Variants in EYA3 observed in about 807,000 individuals in gnomAD.
The protein encoded by EYA3 is protein phosphatase EYA3.
A neutral mutation model predicts 80.0 loss-of-function variants in EYA3; 39 were observed. The observed-to-expected ratio is 0.49, with a 90% CI of 0.38 to 0.64. The LOEUF (loss-of-function observed/expected upper bound fraction) is 0.64, where lower values mean the gene tolerates loss of function less well. EYA3 is among the 30% of genes least tolerant of loss of function. The pLI is 0.00. For synonymous variants in EYA3, 206 were observed against 232.8 expected (o/e 0.88, Z 1.05); for missense variants, 523 against 676.1 (o/e 0.77, Z 2.51).
intron 13 of EYA3, among the ~76,000 whole-genome samples, chr1:27,994,800 C>G (rs987813226): frequency 6.7e-6 from 1 of 150,312 alleles, no homozygotes; most frequent in African/African-American, 2.4e-5. Context: ...GATCCCATCT[C>G]TAAGAAAAAA....
intron 1 of EYA3, among the ~76,000 whole-genome samples, chr1:28,059,295 AAAG>A (rs1424665594): frequency 4.6e-5 from 7 of 152,216 alleles, no homozygotes; most frequent in African/African-American, 1.7e-4. Context: ...TCAAAAGAAA[AAAG>A]AAGTTTAAAG....
intron 7 of EYA3, among the ~76,000 whole-genome samples, chr1:28,017,844 A>T (rs1455448165): frequency 1.3e-5 from 2 of 152,154 alleles, no homozygotes; most frequent in East Asian, 1.9e-4. Context: ...AACTCAGAAA[A>T]TATTAAATAT....
intron 11 of EYA3, among the ~76,000 whole-genome samples, chr1:28,004,065 T>C (rs1424911438): frequency 1.3e-5 from 2 of 152,254 alleles, no homozygotes; most frequent in African/African-American, 4.8e-5. Context: ...CTCATTTCTA[T>C]ACTTTAATCT....
At chr1:28,029,341 T>C (rs996249156) in intron 6 of EYA3, among the ~76,000 whole-genome samples, 2 of 152,216 alleles carry the variant, frequency 1.3e-5, no homozygotes, top group Non-Finnish European at 2.9e-5. Flanking sequence ...GACAATTGTT[T>C]AGTACTAAAT....
At chr1:28,058,452 G>T (rs952612706) in intron 1 of EYA3, among the ~76,000 whole-genome samples, 2 of 152,164 alleles carry the variant, frequency 1.3e-5, no homozygotes, top group Non-Finnish European at 2.9e-5. Flanking sequence ...TAGCAAGTCA[G>T]CAAGTTATGA....
intron 17 of EYA3, among the ~76,000 whole-genome samples, chr1:27,976,475 C>CAA (rs906402618): frequency 1.3e-5 from 2 of 150,924 alleles, no homozygotes; most frequent in Non-Finnish European, 3.0e-5. Flanking sequence ...CAAAACAAAA[C>CAA]AAAAAAAAGA....
intron 1 of EYA3, among the ~76,000 whole-genome samples, chr1:28,080,182 C>T (rs1396323704): frequency 2.0e-5 from 3 of 152,110 alleles, no homozygotes; most frequent in Admixed American, 6.6e-5. Flanking sequence ...CAGTGGCTCA[C>T]ACCTATAATT....
At chr1:28,047,055 C>T (rs551038740) in intron 3 of EYA3, among the ~76,000 whole-genome samples, 12 of 151,916 alleles carry the variant, frequency 7.9e-5, no homozygotes, top group Non-Finnish European at 1.8e-4. Context: ...TGCTATGTCG[C>T]CCAGGCTGGT....
intron 2 of EYA3, among the ~76,000 whole-genome samples, chr1:28,050,208 T>A (rs1644192410): frequency 6.8e-6 from 1 of 147,374 alleles, no homozygotes; most frequent in South Asian, 2.2e-4. Flanking sequence ...TATTATTTTT[T>A]TTGAGACAGG....
At position 27,974,337 on chromosome 1, in the gene EYA3, G is replaced by A. The variant is rs1045992359; in HGVS notation, c.*129C>T. 5.2e-6 allele frequency: 3 copies of A among 573,418 alleles called. No homozygotes were observed. The African/African-American group carries it at 5.6e-5, about 11-fold the overall frequency. 35.5% of individuals were successfully genotyped at this position (573,418 alleles called of 1,614,324 possible). A position where few individuals can be genotyped will look rare whatever the true frequency, so the allele number is the denominator to read the frequency against. On this transcript the variant is annotated 3_prime_UTR_variant, in exon 18 of 18. Transcript: ENST00000373871. The stretch of plus-strand genomic sequence containing the variant: ...AGGGAGAGAGGGAGAGAGAGAAAGA[G>A]AGAAAGAGAGAGAGATAGAGACAGA...
chr1:28,026,455 A>T (rs898539160), intron 7 of EYA3, among the ~76,000 whole-genome samples: 6 of 152,080 alleles, frequency 3.9e-5, no homozygotes, highest in Non-Finnish European at 7.4e-5. Context: ...ACCTCTAAAA[A>T]AATATAGAAT....
intron 11 of EYA3, among the ~76,000 whole-genome samples, chr1:28,004,047 T>C (rs1641090928): frequency 6.6e-6 from 1 of 152,226 alleles, no homozygotes; most frequent in Non-Finnish European, 1.5e-5. Context: ...CTCTGCTCTA[T>C]TTTGAGCCTC....
chr1:28,084,851 T>C (rs910400675), intron 1 of EYA3, among the ~76,000 whole-genome samples: 3 of 151,560 alleles, frequency 2.0e-5, no homozygotes, highest in African/African-American at 7.3e-5. Context: ...TCAGGCAATC[T>C]GCCTGCCTTG....
intron 2 of EYA3, among the ~76,000 whole-genome samples, chr1:28,050,899 A>G (rs1049513919): frequency 1.3e-5 from 2 of 152,242 alleles, no homozygotes; most frequent in African/African-American, 4.8e-5. Context: ...GGTTGTTAAG[A>G]GAAATAGCAA....
chr1:28,029,532 T>G (rs767956648), intron 6 of EYA3, among the ~76,000 whole-genome samples: 1 of 152,128 alleles, frequency 6.6e-6, no homozygotes, highest in Non-Finnish European at 1.5e-5. Flanking sequence ...GAAACACTCT[T>G]AAGTGCATGG....
chr1:28,003,930 A>G (rs1641080989), intron 11 of EYA3, among the ~76,000 whole-genome samples: 1 of 152,184 alleles, frequency 6.6e-6, no homozygotes, highest in Non-Finnish European at 1.5e-5. Flanking sequence ...TTTTACTTAT[A>G]TATATCTGGC....
chr1:28,052,785 T>C (rs1644299439), intron 2 of EYA3, among the ~76,000 whole-genome samples: 1 of 151,632 alleles, frequency 6.6e-6, no homozygotes, highest in Non-Finnish European at 1.5e-5. Flanking sequence ...CTACTAAAAA[T>C]ACAAAAATTA....
chr1:27,998,714 T>TA (rs552461420), intron 12 of EYA3, among the ~76,000 whole-genome samples: 3,707 of 135,222 alleles, frequency 0.027, 129 homozygotes, highest in African/African-American at 0.086. Context: ...TCTCTATTAC[T>TA]AAAAAAAAAA....
chr1:27,997,212 G>T, intron 13 of EYA3, 108 bp downstream of exon 13: 1 of 1,000,518 alleles, frequency 1.0e-6, no homozygotes, highest in Non-Finnish European at 1.6e-6. Flanking sequence ...CAGGTTGTGA[G>T]CTCTTTCAGA....
Sources: allele counts gnomAD v4.1 joint callset (sites outside exome capture counted in the v4.1 genomes callset), GRCh38; gene constraint gnomAD v4.1.1; transcripts MANE v1.5; gene names NCBI Gene and HGNC (gene_info 2026-07-23, HGNC 2026-07-21).